TENM4: variants seen among roughly 807,000 people sequenced by gnomAD.
The protein encoded by TENM4 is teneurin transmembrane protein 4, also known as teneurin-4.
In TENM4, 82 loss-of-function variants were observed where a neutral mutation model predicts 243.3. The ratio of observed to expected loss-of-function variants is 0.34; its 90% CI spans 0.28 to 0.40. TENM4 has a LOEUF of 0.40. Ranked by LOEUF, TENM4 falls within the 10% of genes least tolerant of loss-of-function variation. The pLI, the probability that TENM4 is intolerant of heterozygous loss-of-function variation, is 1.00. For synonymous variants in TENM4, 1,412 were observed against 1,456.3 expected, an observed-to-expected ratio of 0.97 and a Z score of 0.69; for missense variants, 3,138 against 3,673.3, an observed-to-expected ratio of 0.85 and a Z score of 3.77.
chr11:79,194,287 T>C (rs1342008088), intron 3 of TENM4, among the ~76,000 whole-genome samples: 2 of 151,476 alleles, frequency 1.3e-5, no homozygotes, highest in African/African-American at 4.9e-5. Flanking sequence ...CGGACTAATA[T>C]AGTAAATTAG....
intron 26 of TENM4, 88 bp downstream of exon 26, chr11:78,712,394 T>G (rs1368966903): frequency 1.9e-5 from 25 of 1,346,636 alleles, no homozygotes; most frequent in Non-Finnish European, 2.6e-5. Context: ...TTTCCAAAAA[T>G]TTTTGCAATA....
intron 3 of TENM4, among the ~76,000 whole-genome samples, chr11:79,154,752 C>T (rs944777567): frequency 6.6e-6 from 1 of 152,118 alleles, no homozygotes. Context: ...ACTCTACATT[C>T]TCAGAGCCCT....
intron 1 of TENM4, among the ~76,000 whole-genome samples, chr11:79,321,308 A>C (rs967588605): frequency 6.6e-6 from 1 of 152,094 alleles, no homozygotes; most frequent in Non-Finnish European, 1.5e-5. Flanking sequence ...TGCATCCCCC[A>C]CCACCCCGGC....
At chr11:78,710,824 C>T (rs1590958316) in intron 26 of TENM4, among the ~76,000 whole-genome samples, 3 of 152,340 alleles carry the variant, frequency 2.0e-5, no homozygotes, top group African/African-American at 4.8e-5. Context: ...AAATGCACTG[C>T]CGCTTCATCT....
chr11:78,706,539 T>C (rs1008724998), intron 27 of TENM4, among the ~76,000 whole-genome samples: 1 of 152,186 alleles, frequency 6.6e-6, no homozygotes, highest in African/African-American at 2.4e-5. Context: ...ATGCCAGTAT[T>C]GGAGAGTTTG....
At chr11:79,152,874 C>T (rs74585639) in intron 3 of TENM4, among the ~76,000 whole-genome samples, 334 of 152,308 alleles carry the variant, frequency 2.2e-3, no homozygotes, top group African/African-American at 7.4e-3. Flanking sequence ...GAAAACCCAA[C>T]GGCATTCATC....
intron 4 of TENM4, among the ~76,000 whole-genome samples, chr11:79,123,194 A>G (rs926661264): frequency 6.6e-6 from 1 of 152,206 alleles, no homozygotes; most frequent in East Asian, 1.9e-4. Flanking sequence ...TTATGCTTAC[A>G]TAGTGCTTAC....
chr11:79,280,669 T>C (rs948748546), intron 2 of TENM4, among the ~76,000 whole-genome samples: 3 of 152,228 alleles, frequency 2.0e-5, no homozygotes, highest in Non-Finnish European at 4.4e-5. Context: ...TGTAGTCACC[T>C]GTCCCAATTA....
At chr11:79,263,280 G>T (rs961645285) in intron 2 of TENM4, among the ~76,000 whole-genome samples, 2 of 152,222 alleles carry the variant, frequency 1.3e-5, no homozygotes, top group Non-Finnish European at 2.9e-5. Flanking sequence ...GCTGGGCTGA[G>T]AAGAAGGAAG....
At chr11:78,801,023 C>G (rs769159724) in intron 15 of TENM4, among the ~76,000 whole-genome samples, 21 of 152,138 alleles carry the variant, frequency 1.4e-4, no homozygotes, top group Non-Finnish European at 2.9e-4. Flanking sequence ...GTGCCTGGTA[C>G]ATGCTAAATA....
At chr11:79,044,480 A>G (rs1859612324) in intron 6 of TENM4, among the ~76,000 whole-genome samples, 1 of 152,208 alleles carries the variant, frequency 6.6e-6, no homozygotes, top group Non-Finnish European at 1.5e-5. Context: ...AAGGATGCAG[A>G]GGAACTGTCC....
chr11:79,022,776 A>G (rs900348352), intron 6 of TENM4, among the ~76,000 whole-genome samples: 17 of 152,340 alleles, frequency 1.1e-4, no homozygotes, highest in African/African-American at 4.1e-4. Context: ...GGTGATAAGC[A>G]TGATGAATAT....
intron 6 of TENM4, among the ~76,000 whole-genome samples, chr11:78,986,666 C>T (rs552748489): frequency 3.9e-5 from 6 of 152,208 alleles, no homozygotes; most frequent in South Asian, 2.1e-4. Flanking sequence ...CTCCACCTCC[C>T]GAGTTCAAGC....
chr11:78,893,658 T>G (rs1405099504), intron 7 of TENM4, among the ~76,000 whole-genome samples: 1 of 152,060 alleles, frequency 6.6e-6, no homozygotes, highest in Non-Finnish European at 1.5e-5. Context: ...AATATCTTCA[T>G]GGAATATAAC....
At chr11:79,321,629 C>T (rs61883569) in intron 1 of TENM4, among the ~76,000 whole-genome samples, 9,320 of 109,384 alleles carry the variant, frequency 0.085, 362 homozygotes, top group Middle Eastern at 0.18. Flanking sequence ...TCTGCACAAG[C>T]AGGAAATTAC....
intron 2 of TENM4, among the ~76,000 whole-genome samples, chr11:79,245,007 C>T (rs1309104159): frequency 2.0e-5 from 3 of 152,180 alleles, no homozygotes; most frequent in Non-Finnish European, 4.4e-5. Context: ...TCCTTGATTT[C>T]TCCAGGAAGA....
rs945998528 is a variant in TENM4, at chr11:79,440,818, G to A, written c.-630C>T. ...CACATGAAACAGCTGCAATCCCGAG[G>A]CTTCTGGGGGGTTGGGGCGGGTGTG... On this transcript the variant is annotated 5_prime_UTR_variant, in exon 1 of 34. Coordinates refer to ENST00000278550, the MANE Select transcript of TENM4 (RefSeq NM_001098816.3). The surrounding 1 kb of genome is among the most constrained non-coding windows in gnomAD (Gnocchi z 4.7). The A allele has an allele frequency of 1.3e-5, 2 of 152,944 alleles. No homozygotes were observed. The highest frequency in any genetic ancestry group is 2.9e-5 in the Non-Finnish European group (2 of 69,138). The allele number at this position is 152,944 out of a possible 1,614,324, so 9.5% of individuals were successfully genotyped here.
chr11:78,814,534 T>A, intron 12 of TENM4, 139 bp from the exon 13 acceptor site: 1 of 669,128 alleles, frequency 1.5e-6, no homozygotes, highest in Non-Finnish European at 2.6e-6. Context: ...TGAATGGAGT[T>A]AAAATTCTAT....
At chr11:78,805,541 G>T in intron 14 of TENM4, 49 bp from the exon 15 acceptor site, 1 of 1,542,764 alleles carries the variant, frequency 6.5e-7, no homozygotes, top group South Asian at 1.2e-5. Flanking sequence ...ACCAGCAAAG[G>T]TGAGGCTTCT....
Sources: allele counts gnomAD v4.1 joint callset (sites outside exome capture counted in the v4.1 genomes callset), GRCh38; gene constraint gnomAD v4.1.1; non-coding constraint Gnocchi (gnomAD v3.1); transcripts MANE v1.5; gene names NCBI Gene and HGNC (gene_info 2026-07-23, HGNC 2026-07-21).